The following FCGRT variants were observed in gnomAD, a reference collection of about 807,000 sequenced individuals.
FCGRT encodes the protein IgG receptor FcRn large subunit p51.
Under a neutral mutation model 35.7 loss-of-function variants are expected in FCGRT, and 13 were observed. The observed-to-expected ratio is 0.36, with a 90% CI of 0.24 to 0.58. FCGRT has a LOEUF of 0.58. Ranked by LOEUF, FCGRT falls within the 20% of genes least tolerant of loss-of-function variation. The pLI is 0.77. For missense variants in FCGRT, 455 were observed against 474.9 expected (o/e 0.96, Z 0.39); for synonymous variants, 233 against 216.5 (o/e 1.08, Z -0.67).
rs57780967 is a variant in FCGRT at position 49,516,193 on chromosome 19, C to T, written c.601+1707C>T. ...GTGCCACAAAGGAGAAGTTGAGACT[C>T]AACCAGGTAGTTTTTCTTTAATTGT... On this transcript the variant is annotated intron_variant, in intron 4 of 6. Coordinates refer to ENST00000221466, the MANE Select transcript of FCGRT (RefSeq NM_001136019.3). 552 of 447,130 alleles carry T rather than the reference C, an allele frequency of 1.2e-3. 5 individuals carry two copies. The highest frequency in any genetic ancestry group is 0.01 in the African/African-American group (507 of 49,514). The allele number at this position is 447,130 out of a possible 1,614,324, so 27.7% of individuals were successfully genotyped here. A position where few individuals can be genotyped will look rare whatever the true frequency, so the allele number is the denominator to read the frequency against.
At chr19:49,520,469 C>T (rs1250216507) in intron 4 of FCGRT, among the ~76,000 whole-genome samples, 1 of 151,930 alleles carries the variant, frequency 6.6e-6, no homozygotes, top group African/African-American at 2.4e-5. Context: ...CCTCAGCCTC[C>T]AGGGTAGCTG....
intron 4 of FCGRT, among the ~76,000 whole-genome samples, chr19:49,522,489 T>C (rs760057953): frequency 3.3e-5 from 5 of 152,066 alleles, no homozygotes; most frequent in Non-Finnish European, 7.4e-5. Context: ...TGGAGTGCAA[T>C]GGTGCAATCT....
In FCGRT at chr19:49,526,145, G is replaced by T; in HGVS notation, c.*26G>T. On this transcript the variant is annotated 3_prime_UTR_variant, in exon 7 of 7. Coordinates refer to ENST00000221466, the MANE Select transcript of FCGRT (RefSeq NM_001136019.3). ...CCATCCGCCATTCCGACTGCTAAAAGCGAATGTAGTCAGGCCCCTTTCATG... is the reference window on the plus strand; with the variant it reads ...CCATCCGCCATTCCGACTGCTAAAATCGAATGTAGTCAGGCCCCTTTCATG... The T allele has an allele frequency of 6.8e-7, 1 of 1,462,416 alleles. No individual in the cohort carries two copies. The highest frequency in any genetic ancestry group is 9.6e-7 in the Non-Finnish European group (1 of 1,041,776). The allele number at this position is 1,462,416 out of a possible 1,614,324, so 90.6% of individuals were successfully genotyped here. A position where few individuals can be genotyped will look rare whatever the true frequency, so the allele number is the denominator to read the frequency against.
At chr19:49,516,272 C>T (rs1012058327) in intron 4 of FCGRT, 14 of 407,684 alleles carry the variant, frequency 3.4e-5, no homozygotes, top group South Asian at 1.1e-4. Context: ...GACAGAGTTT[C>T]GCTCTTGTCG....
rs780268860 is a variant in FCGRT, at chr19:49,524,629, G to C, written c.724G>C (p.Ala242Pro). Residue 242 changes from alanine to proline, a missense_variant, in exon 5 of 7, where the codon GCT becomes CCT. By Grantham distance (27) the Ala-to-Pro change is conservative. Transcript: ENST00000221466. ...TCGGTTCCTGCGGAATGGGCTGGCC[G>C]CTGGCACCGGCCAGGGTGACTTCGG... is the stretch of plus-strand genomic sequence containing the variant. ...QLRFLRNGLA[A>P]GTGQGDFGPN... The C allele has an allele frequency of 6.2e-7, 1 of 1,609,540 alleles. No individual in the cohort carries two copies. Among genetic ancestry groups the C allele is most frequent in the Non-Finnish European group, 8.5e-7 (1 of 1,180,020 alleles).
At position 49,526,268 on chromosome 19, in the gene FCGRT, A is replaced by G. The variant is rs1048831830; in HGVS notation, c.*149A>G. 1.3e-5 allele frequency: 8 copies of G among 621,188 alleles called. No individual in the cohort carries two copies. The highest frequency in any genetic ancestry group is 2.3e-5 in the Non-Finnish European group (8 of 348,404). The allele number at this position is 621,188 out of a possible 1,614,324, so 38.5% of individuals were successfully genotyped here. ...GGAGCCCCGTCCTGTGGTCTGCCTC[A>G]GTTTCCCCTCCTAATACATATGGCT... On this transcript the variant is annotated 3_prime_UTR_variant, in exon 7 of 7. Transcript: ENST00000221466.
At chr19:49,525,678 C>A in intron 6 of FCGRT, 105 bp downstream of exon 6, 1 of 796,956 alleles carries the variant, frequency 1.3e-6, no homozygotes, top group Non-Finnish European at 2.1e-6. Flanking sequence ...GGACAGAGAT[C>A]AGAGAGAGGT....
At chr19:49,525,668 G>T (rs2080071108) in intron 6 of FCGRT, 95 bp downstream of exon 6, 1 of 850,432 alleles carries the variant, frequency 1.2e-6, no homozygotes. Flanking sequence ...CAGAGAGGGG[G>T]GACAGAGATC....
intron 4 of FCGRT, among the ~76,000 whole-genome samples, chr19:49,519,141 C>T (rs545407914): frequency 3.9e-5 from 6 of 152,206 alleles, no homozygotes; most frequent in South Asian, 2.1e-4. Context: ...CGCGCCCGGC[C>T]GGATTCCAAT....
chr19:49,514,568 C>T, intron 4 of FCGRT, 82 bp downstream of exon 4: 1 of 1,331,538 alleles, frequency 7.5e-7, no homozygotes. Context: ...CCAGGACCCT[C>T]CATCAGCCTC....
intron 4 of FCGRT, chr19:49,516,010 C>T (rs1178535909): frequency 5.8e-6 from 2 of 346,642 alleles, no homozygotes; most frequent in East Asian, 1.7e-4. Context: ...CCCCCAGATC[C>T]CCACTCATTC....
At position 49,526,330 on chromosome 19, in the gene FCGRT, C is replaced by G. The variant is rs6819; in HGVS notation, c.*211C>G. 1.8e-6 allele frequency: 1 copy of G among 562,910 alleles called. No homozygotes were observed. Among genetic ancestry groups the G allele is most frequent in the Non-Finnish European group, 3.2e-6 (1 of 314,988 alleles). 34.9% of individuals were successfully genotyped at this position (562,910 alleles called of 1,614,324 possible). On this transcript the variant is annotated 3_prime_UTR_variant, in exon 7 of 7. Transcript: ENST00000221466. Reference sequence around the variant, plus strand: ...CGATAATATAACACGAGTTTGGGCCCGAATCAGTGTGTTCTCATCATTTTT... The same window carrying G: ...CGATAATATAACACGAGTTTGGGCCGGAATCAGTGTGTTCTCATCATTTTT...
intron 4 of FCGRT, among the ~76,000 whole-genome samples, chr19:49,514,990 CT>C (rs768434044): frequency 4.7e-5 from 7 of 147,702 alleles, no homozygotes; most frequent in African/African-American, 1.8e-4. Flanking sequence ...CTGCTCCTGG[CT>C]CCCCCCTTTT....
intron 4 of FCGRT, among the ~76,000 whole-genome samples, chr19:49,522,292 C>T (rs1200995079): frequency 1.3e-5 from 2 of 151,968 alleles, no homozygotes; most frequent in Non-Finnish European, 2.9e-5. Flanking sequence ...TTTGCCCAGG[C>T]TGGTCTCCAA....
At chr19:49,515,807 C>T in intron 4 of FCGRT, among the ~76,000 whole-genome samples, 1 of 152,158 alleles carries the variant, frequency 6.6e-6, no homozygotes, top group South Asian at 2.1e-4. Context: ...CTCCAGCCAC[C>T]CAACATAAGC....
rs995470892 is a variant in FCGRT at position 49,524,752 on chromosome 19, G to A, written c.847G>A (p.Ala283Thr). 3 of 1,600,758 alleles carry A rather than the reference G, an allele frequency of 1.9e-6. No individual in the cohort carries two copies. In the African/African-American group the frequency reaches 4.0e-5, roughly 21 times the overall value. ...CTGCATTGTGCAGCACGCGGGGCTG[G>A]CGCAGCCCCTCAGGGTGGAGCTGGG... ...YCCIVQHAGL[A>T]QPLRVELESP... The change falls in exon 5 of 7, where the codon GCG (alanine) becomes ACG (threonine). Residue 283 changes from alanine to threonine, a missense_variant. Around this residue, in one of 3 missense-constraint regions of FCGRT, gnomAD observed 312 missense variants for 296.1 expected, o/e 1.05. Transcript: ENST00000221466.
intron 4 of FCGRT, among the ~76,000 whole-genome samples, chr19:49,518,360 C>CTTTTT (rs56352202): frequency 7.5e-6 from 1 of 133,016 alleles, no homozygotes; most frequent in African/African-American, 2.8e-5. Context: ...TTCTTTCTTT[C>CTTTTT]TTTTTTTTTT....
intron 4 of FCGRT, among the ~76,000 whole-genome samples, chr19:49,518,162 G>T (rs1020700262): frequency 1.2e-4 from 18 of 151,886 alleles, no homozygotes; most frequent in Non-Finnish European, 2.6e-4. Context: ...CTAGGTAAGG[G>T]CATTTAAAAA....
At chr19:49,517,527 GAGAA>G (rs2080015004) in intron 4 of FCGRT, among the ~76,000 whole-genome samples, 1 of 149,430 alleles carries the variant, frequency 6.7e-6, no homozygotes, top group Non-Finnish European at 1.5e-5. Context: ...GAGAGGGAGA[GAGAA>G]AGAGGAAGGA....
Sources: gnomAD v4.1 joint callset for allele counts (sites outside exome capture counted in the v4.1 genomes callset) on GRCh38, gnomAD v4.1.1 for gene constraint, gnomAD v4.1.1 regional missense constraint, MANE v1.5 for transcripts, NCBI Gene and HGNC (gene_info 2026-07-23, HGNC 2026-07-21) for gene names.